The following PALD1 variants were observed in gnomAD, a reference collection of about 807,000 sequenced individuals.
PALD1 encodes phosphatase domain containing paladin 1.
A neutral mutation model predicts 96.0 loss-of-function variants in PALD1; 57 were observed. That is an observed-to-expected ratio of 0.59 (90% confidence interval 0.48 to 0.74). The LOEUF is 0.74. PALD1 is among the 30% of genes least tolerant of loss of function. PALD1 has a pLI of 0.00. For missense variants in PALD1, 1,063 were observed against 1,143.7 expected (o/e 0.93, Z 1.02); for synonymous variants, 464 against 473.6 (o/e 0.98, Z 0.26).
At chr10:70,490,532 A>C (rs573656177) in intron 1 of PALD1, among the ~76,000 whole-genome samples, 1 of 152,246 alleles carries the variant, frequency 6.6e-6, no homozygotes. Context: ...TGAAATGTGT[A>C]TAAGACCAGG....
intron 1 of PALD1, among the ~76,000 whole-genome samples, chr10:70,493,563 G>A (rs1009359347): frequency 2.0e-5 from 3 of 152,212 alleles, no homozygotes; most frequent in Non-Finnish European, 2.9e-5. Context: ...TGAGGGTGGC[G>A]TTGGCCCCCT....
chr10:70,487,049 G>T (rs1029301901), intron 1 of PALD1, among the ~76,000 whole-genome samples: 29 of 151,862 alleles, frequency 1.9e-4, no homozygotes, highest in Non-Finnish European at 3.1e-4. Flanking sequence ...AGTAGTCTCT[G>T]CTCCAGGGGG....
rs79359633 is a variant in PALD1, at chr10:70,547,197, G to C, written c.2122-109G>C. ...GAGCAGGCAGGGCTCTCTGTTCAGCGCCTGGGCCTTAGGCCTGGTGTGGCC... is the reference window on the plus strand; with the variant it reads ...GAGCAGGCAGGGCTCTCTGTTCAGCCCCTGGGCCTTAGGCCTGGTGTGGCC... On this transcript the variant is annotated intron_variant, in intron 17 of 19. Transcript: ENST00000263563. 2.4e-3 allele frequency: 2,246 copies of C among 952,900 alleles called. 41 individuals carry two copies. In the African/African-American group the frequency reaches 0.033, roughly 14 times the overall value. The allele number at this position is 952,900 out of a possible 1,614,324, so 59.0% of individuals were successfully genotyped here.
rs1018197401 is a variant in PALD1 at position 70,493,101 on chromosome 10, C to T, written c.-30+14042C>T. ...CCTGCCCCCCTACCTTGGCTCATTC[C>T]GGCCCTTTCCAGCTGCCGCTGCTGC... is the stretch of plus-strand genomic sequence containing the variant. On this transcript the variant is annotated intron_variant, in intron 1 of 19. Transcript: ENST00000263563. Among the ~76,000 whole-genome samples, 8 of 152,316 alleles carry T rather than the reference C, an allele frequency of 5.3e-5. No homozygotes were observed. In the East Asian group the frequency reaches 5.8e-4, roughly 11 times the overall value.
At chr10:70,498,647 C>T (rs1417815813) in intron 1 of PALD1, among the ~76,000 whole-genome samples, 2 of 151,500 alleles carry the variant, frequency 1.3e-5, no homozygotes, top group Non-Finnish European at 1.5e-5. Context: ...ATCGCACAGA[C>T]TGGGCGCGGT....
intron 2 of PALD1, among the ~76,000 whole-genome samples, chr10:70,526,643 T>C (rs1846874648): frequency 6.6e-6 from 1 of 152,096 alleles, no homozygotes; most frequent in Non-Finnish European, 1.5e-5. Flanking sequence ...GATCTGTACA[T>C]ACTGTGTGCA....
intron 1 of PALD1, among the ~76,000 whole-genome samples, chr10:70,501,834 T>TGTGTGTGTGTGTGTGCAC (rs774868338): frequency 6.7e-6 from 1 of 149,384 alleles, no homozygotes; most frequent in Admixed American, 6.7e-5. Context: ...TGTGTGTGTG[T>TGTGTGTGTGTGTGTGCAC]GCGTGCGTGC....
chr10:70,509,983 C>G (rs1285363292), intron 1 of PALD1, among the ~76,000 whole-genome samples: 21 of 152,204 alleles, frequency 1.4e-4, no homozygotes. Context: ...GTGCCGAACT[C>G]TTGGAAAGTC....
chr10:70,475,821 C>A (rs1399519024), upstream of PALD1, among the ~76,000 whole-genome samples: 3 of 152,122 alleles, frequency 2.0e-5, no homozygotes, highest in Non-Finnish European at 4.4e-5. Context: ...TGGCCACAGG[C>A]GAGTCTGTCG....
intron 1 of PALD1, among the ~76,000 whole-genome samples, chr10:70,481,895 C>A (rs1247944777): frequency 1.3e-5 from 2 of 152,266 alleles, no homozygotes; most frequent in South Asian, 4.1e-4. Flanking sequence ...ATGCACCATG[C>A]AACCTCCAGC....
In PALD1 at chr10:70,539,651, G is replaced by T; in HGVS notation, c.1797G>T (p.Arg599Ser). 1 of 1,613,716 alleles carries T rather than the reference G, an allele frequency of 6.2e-7. No homozygotes were observed. Among genetic ancestry groups the T allele is most frequent in the Non-Finnish European group, 8.5e-7 (1 of 1,179,822 alleles). ...PPGKEGPLTY[R>S]FQTCLTMQEV... ...GCAAGGAGGGCCCCCTGACCTACAG[G>T]TTCCAGACCTGCCTTACCATGCAGG... The change falls in exon 15 of 20, where the codon AGG becomes AGT. Residue 599 changes from arginine to serine, a missense_variant. Arg to Ser is a moderately radical substitution (Grantham distance 110). Coordinates refer to ENST00000263563, the MANE Select transcript of PALD1 (RefSeq NM_014431.3). This position sits in a 1 kb window ranked among gnomAD's most constrained non-coding sequence, Gnocchi z 4.5.
At position 70,508,925 on chromosome 10, in the gene PALD1, G is replaced by A. The variant is rs188594997; in HGVS notation, c.-29-16998G>A. Among the ~76,000 whole-genome samples the A allele has an allele frequency of 9.6e-3, 1,440 of 149,608 alleles. 17 individuals are homozygous for A. Among genetic ancestry groups the A allele is most frequent in the Non-Finnish European group, 0.015 (1,024 of 67,350 alleles). On this transcript the variant is annotated intron_variant, in intron 1 of 19. Coordinates refer to ENST00000263563, the MANE Select transcript of PALD1 (RefSeq NM_014431.3). ...GGGCTGGTCTGAGCCCCTGCCCTGGGTACAGACCTGGACGTTTCATGTGCT... is the reference window on the plus strand; with the variant it reads ...GGGCTGGTCTGAGCCCCTGCCCTGGATACAGACCTGGACGTTTCATGTGCT...
chr10:70,485,852 A>T (rs1846009903), intron 1 of PALD1: 1 of 155,204 alleles, frequency 6.4e-6, no homozygotes, highest in South Asian at 2.0e-4. Flanking sequence ...GCTTCTCTCC[A>T]GCACAGACTG....
chr10:70,512,356 T>G (rs1268476417), intron 1 of PALD1, among the ~76,000 whole-genome samples: 1 of 152,112 alleles, frequency 6.6e-6, no homozygotes, highest in East Asian at 1.9e-4. Flanking sequence ...CTTCAGGGCT[T>G]GAGTCTCTCA....
rs184581580 is a variant in PALD1, at chr10:70,564,324, G to A, written c.2263-40G>A. 2.3e-4 allele frequency: 361 copies of A among 1,574,364 alleles called. 1 individual carries two copies. In the African/African-American group the frequency reaches 3.7e-3, roughly 16 times the overall value. ...GGCATGTTTGTGTGTTGGGGGACAC[G>A]GATCCCCCCACACTGACCCCACCCT... On this transcript the variant is annotated intron_variant, in intron 18 of 19. Transcript: ENST00000263563.
At chr10:70,468,009 G>A in the PALD1 span, among the ~76,000 whole-genome samples, 3 of 152,112 alleles carry the variant, frequency 2.0e-5, no homozygotes, top group African/African-American at 4.8e-5. Flanking sequence ...TTGTGATTAC[G>A]CACAAGGCAG....
the PALD1 span, among the ~76,000 whole-genome samples, chr10:70,472,300 G>A: frequency 1.3e-3 from 205 of 152,140 alleles, 1 homozygote; most frequent in Admixed American, 2.4e-3. Flanking sequence ...TGCTCTTGTC[G>A]CCTGGGCTGG....
chr10:70,471,612 C>G, the PALD1 span, among the ~76,000 whole-genome samples: 1 of 152,236 alleles, frequency 6.6e-6, no homozygotes, highest in Non-Finnish European at 1.5e-5. Flanking sequence ...TCTCTACTGA[C>G]AGACCTTTCA....
intron 18 of PALD1, among the ~76,000 whole-genome samples, chr10:70,558,316 C>G (rs541575948): frequency 6.6e-6 from 1 of 152,122 alleles, no homozygotes; most frequent in South Asian, 2.1e-4. Flanking sequence ...GTCATTTCAC[C>G]TCTTTGACCT....
Sources: allele counts gnomAD v4.1 joint callset (sites outside exome capture counted in the v4.1 genomes callset), GRCh38; gene constraint gnomAD v4.1.1; non-coding constraint Gnocchi (gnomAD v3.1); transcripts MANE v1.5; gene names NCBI Gene and HGNC (gene_info 2026-07-23, HGNC 2026-07-21).